The following FAM219A variants were observed in gnomAD, a reference collection of about 807,000 sequenced individuals.
FAM219A encodes the protein protein FAM219A.
A neutral mutation model predicts 23.4 loss-of-function variants in FAM219A; 7 were observed. That is an observed-to-expected ratio of 0.30 (90% CI 0.17 to 0.56). The LOEUF is 0.56. FAM219A is among the 20% of genes least tolerant of loss of function. The pLI is 0.92. For missense variants in FAM219A, 166 were observed against 246.9 expected (o/e 0.67, Z 2.20); for synonymous variants, 93 against 99.0 (o/e 0.94, Z 0.36).
At chr9:34,451,976 G>A (rs1823576970) in intron 1 of FAM219A, among the ~76,000 whole-genome samples, 1 of 152,058 alleles carries the variant, frequency 6.6e-6, no homozygotes, top group African/African-American at 2.4e-5. Flanking sequence ...CAATCAGTCA[G>A]AAAAAAACCC....
intron 1 of FAM219A, among the ~76,000 whole-genome samples, chr9:34,437,176 A>G (rs900199729): frequency 2.6e-5 from 4 of 152,070 alleles, no homozygotes; most frequent in Non-Finnish European, 5.9e-5. Flanking sequence ...GAAGACAAAC[A>G]CTACTCTCTC....
chr9:34,437,437 G>A (rs988649615), intron 1 of FAM219A, among the ~76,000 whole-genome samples: 3 of 152,216 alleles, frequency 2.0e-5, no homozygotes, highest in African/African-American at 7.2e-5. Flanking sequence ...AATGTGGAGC[G>A]CTAGAACTGA....
Position 34,400,959 on chromosome 9 carries a change from G to A in FAM219A, c.*5C>T, listed in dbSNP as rs748725441. 5.2e-6 allele frequency: 8 copies of A among 1,533,964 alleles called. No homozygotes were observed. The highest frequency in any genetic ancestry group is 2.8e-5 in the African/African-American group (2 of 71,908). On this transcript the variant is annotated 3_prime_UTR_variant, in exon 6 of 6. Coordinates refer to ENST00000651358, the MANE Select transcript of FAM219A (RefSeq NM_001184940.2). ...CCGCCCCGGCGACCGCAGTGGCCCC[G>A]CCCGCTACTGAATGTGGCAGGCGGT...
At chr9:34,440,583 G>T (rs1823129937) in intron 1 of FAM219A, among the ~76,000 whole-genome samples, 1 of 152,006 alleles carries the variant, frequency 6.6e-6, no homozygotes, top group African/African-American at 2.4e-5. Flanking sequence ...AGGCGTGGTG[G>T]CTCACGCCTG....
chr9:34,455,243 T>C (rs1243514223), intron 1 of FAM219A, among the ~76,000 whole-genome samples: 1 of 152,210 alleles, frequency 6.6e-6, no homozygotes, highest in Non-Finnish European at 1.5e-5. Context: ...TGAGGAGCTA[T>C]TGTTTAAACT....
intron 1 of FAM219A, among the ~76,000 whole-genome samples, chr9:34,429,579 G>A (rs1457243271): frequency 6.6e-6 from 1 of 152,156 alleles, no homozygotes; most frequent in East Asian, 1.9e-4. Context: ...TTGGGGAAGT[G>A]GGAGGAAGTC....
In FAM219A at chr9:34,417,041, CT is replaced by C. The variant is rs1336006083; in HGVS notation, c.61-11078del. Among the ~76,000 whole-genome samples, 3 of 151,654 alleles carry C rather than the reference CT, an allele frequency of 2.0e-5. No individual in the cohort carries two copies. Among genetic ancestry groups the C allele is most frequent in the African/African-American group, 7.2e-5 (3 of 41,400 alleles). On this transcript the variant is annotated intron_variant, in intron 1 of 5. Transcript: ENST00000651358. The surrounding 1 kb of genome is among the most constrained non-coding windows in gnomAD (Gnocchi z 4.1). ...CCTTCTTCCCTCTTCCCTCCTCCTTCTTCCCCTTCCCTTTCCCCTTCCCCTT... is the reference window on the plus strand; with the variant it reads ...CCTTCTTCCCTCTTCCCTCCTCCTTCTCCCCTTCCCTTTCCCCTTCCCCTT...
chr9:34,424,451 G>C (rs1822384743), intron 1 of FAM219A, among the ~76,000 whole-genome samples: 1 of 152,122 alleles, frequency 6.6e-6, no homozygotes, highest in Non-Finnish European at 1.5e-5. Flanking sequence ...TGTGGGCAAG[G>C]GGTGGGCTGA....
chr9:34,438,801 G>A (rs1465420203), intron 1 of FAM219A, among the ~76,000 whole-genome samples: 1 of 152,196 alleles, frequency 6.6e-6, no homozygotes, highest in Non-Finnish European at 1.5e-5. Flanking sequence ...CAGGATGTGG[G>A]TGGGGCCAGA....
chr9:34,404,394 A>G (rs1821558164), intron 2 of FAM219A, among the ~76,000 whole-genome samples: 1 of 152,190 alleles, frequency 6.6e-6, no homozygotes, highest in South Asian at 2.1e-4. Context: ...ATGCTTGTTA[A>G]AATATTTGTA....
intron 1 of FAM219A, among the ~76,000 whole-genome samples, chr9:34,415,057 C>A (rs1448358303): frequency 6.6e-6 from 1 of 152,048 alleles, no homozygotes; most frequent in Non-Finnish European, 1.5e-5. Context: ...GCTCAAGTGA[C>A]CTCCTGCCTT....
intron 1 of FAM219A, among the ~76,000 whole-genome samples, chr9:34,413,837 G>A (rs1489034199): frequency 4.6e-5 from 7 of 152,200 alleles, no homozygotes. Flanking sequence ...ATAAGAAATG[G>A]GAAGTCAGGG....
At chr9:34,421,007 T>TGAGAGAGAAAGAGA (rs761212084) in intron 1 of FAM219A, among the ~76,000 whole-genome samples, 1 of 76,730 alleles carries the variant, frequency 1.3e-5, no homozygotes, top group Non-Finnish European at 2.7e-5. Context: ...TGTGTGTGTG[T>TGAGAGAGAAAGAGA]GTGAGAGAGA....
At chr9:34,407,535 A>G (rs148907090) in intron 1 of FAM219A, among the ~76,000 whole-genome samples, 25 of 152,308 alleles carry the variant, frequency 1.6e-4, no homozygotes, top group African/African-American at 5.8e-4. Context: ...TGTCTTACGC[A>G]AAGTCAGTGA....
intron 1 of FAM219A, among the ~76,000 whole-genome samples, chr9:34,437,357 A>C (rs1822960575): frequency 6.6e-6 from 1 of 152,212 alleles, no homozygotes; most frequent in Non-Finnish European, 1.5e-5. Flanking sequence ...ACCCTGAGAC[A>C]TATATACCCT....
chr9:34,409,454 G>A (rs1020206116), intron 1 of FAM219A, among the ~76,000 whole-genome samples: 3 of 152,214 alleles, frequency 2.0e-5, no homozygotes, highest in East Asian at 1.9e-4. Flanking sequence ...ATCTGAAGGC[G>A]TTAGCTAGAT....
rs1281173128 is a variant in FAM219A, at chr9:34,400,682, G to A, written c.*282C>T. Reference sequence around the variant, plus strand: ...TCTCTCTTGGCCAGCCCTGGGAAGCGGGGCAGGGTGCTGGGTGAGGTTCCC... The same window carrying A: ...TCTCTCTTGGCCAGCCCTGGGAAGCAGGGCAGGGTGCTGGGTGAGGTTCCC... On this transcript the variant is annotated 3_prime_UTR_variant, in exon 6 of 6. Coordinates refer to ENST00000651358, the MANE Select transcript of FAM219A (RefSeq NM_001184940.2). 1.9e-5 allele frequency: 6 copies of A among 321,064 alleles called. 1 individual carries two copies. The highest frequency in any genetic ancestry group is 5.2e-5 in the East Asian group (1 of 19,290). The allele number at this position is 321,064 out of a possible 1,614,324, so 19.9% of individuals were successfully genotyped here.
At chr9:34,406,221 C>G in intron 1 of FAM219A, 1 of 907,976 alleles carries the variant, frequency 1.1e-6, no homozygotes, top group Non-Finnish European at 1.3e-6. Context: ...CTGTGTGGTC[C>G]AGCCTCCTCC....
intron 1 of FAM219A, among the ~76,000 whole-genome samples, chr9:34,456,652 C>T (rs945665049): frequency 1.3e-5 from 2 of 152,186 alleles, no homozygotes; most frequent in Non-Finnish European, 2.9e-5. Context: ...CTTCAGCCAG[C>T]CCAAAGTCCT....
Sources: gnomAD v4.1 joint callset for allele counts (sites outside exome capture counted in the v4.1 genomes callset) on GRCh38, gnomAD v4.1.1 for gene constraint, Gnocchi (gnomAD v3.1) non-coding constraint, MANE v1.5 for transcripts, NCBI Gene and HGNC (gene_info 2026-07-23, HGNC 2026-07-21) for gene names.